Variants in SEMA3A observed in about 807,000 individuals in gnomAD.
SEMA3A encodes semaphorin 3A.
Under a neutral mutation model 97.9 loss-of-function variants are expected in SEMA3A, and 29 were observed. The ratio of observed to expected loss-of-function variants is 0.30; its 90% CI spans 0.22 to 0.40. The LOEUF (loss-of-function observed/expected upper bound fraction) is 0.40. SEMA3A is among the 10% of genes least tolerant of loss of function. The probability of loss-of-function intolerance (pLI) is 1.00; values close to 1 mark genes in which losing one functional copy is unlikely to be tolerated. For synonymous variants in SEMA3A, 321 were observed against 323.7 expected (o/e 0.99, Z 0.09); for missense variants, 763 against 951.3 (o/e 0.80, Z 2.60).
At position 84,029,546 on chromosome 7, in the gene SEMA3A, G is replaced by A. The variant is rs1791662982; in HGVS notation, c.668-15195C>T. ...TATTCCTTCTTAACTGCAGGAAGCT[G>A]CCATATTTACAGATGCTTCTTTGCA... is the stretch of plus-strand genomic sequence containing the variant. On this transcript the variant is annotated intron_variant, in intron 6 of 16. Coordinates refer to ENST00000265362, the MANE Select transcript of SEMA3A (RefSeq NM_006080.3). Among the ~76,000 whole-genome samples the A allele has an allele frequency of 3.3e-5, 5 of 152,182 alleles. 1 individual carries two copies. The South Asian group carries it at 1.0e-3, about 32-fold the overall frequency.
At chr7:84,381,702 A>G (rs1803265497) in intron 1 of SEMA3A, among the ~76,000 whole-genome samples, 1 of 152,124 alleles carries the variant, frequency 6.6e-6, no homozygotes, top group Non-Finnish European at 1.5e-5. Context: ...CCTGTCCAAT[A>G]TGGCCTAGTC....
At chr7:84,284,298 T>A (rs1372323291) in intron 3 of SEMA3A, among the ~76,000 whole-genome samples, 1 of 152,300 alleles carries the variant, frequency 6.6e-6, no homozygotes, top group South Asian at 2.1e-4. Flanking sequence ...ACTAAAGGAA[T>A]GTTCAATCTA....
chr7:84,140,600 A>G (rs1301681050), intron 1 of SEMA3A, among the ~76,000 whole-genome samples: 1 of 152,148 alleles, frequency 6.6e-6, no homozygotes, highest in Non-Finnish European at 1.5e-5. Flanking sequence ...CAAAGAACCC[A>G]TTGAAGTAGT....
chr7:84,397,101 T>C (rs1460967193), intron 1 of SEMA3A, among the ~76,000 whole-genome samples: 1 of 152,026 alleles, frequency 6.6e-6, no homozygotes, highest in Admixed American at 6.6e-5. Context: ...ATGAAAGTTG[T>C]GAAAGGCATA....
At chr7:83,982,344 C>A (rs935457986) in intron 13 of SEMA3A, among the ~76,000 whole-genome samples, 2 of 152,056 alleles carry the variant, frequency 1.3e-5, no homozygotes, top group African/African-American at 2.4e-5. Flanking sequence ...TATTGAAAGA[C>A]CCAGAATATG....
intron 2 of SEMA3A, among the ~76,000 whole-genome samples, chr7:84,329,418 C>G (rs1801857967): frequency 6.6e-6 from 1 of 151,986 alleles, no homozygotes; most frequent in African/African-American, 2.4e-5. Flanking sequence ...TGTTTTTCAG[C>G]TCATCAGCTA....
chr7:84,095,110 A>C (rs1794717327), intron 4 of SEMA3A, among the ~76,000 whole-genome samples: 1 of 148,328 alleles, frequency 6.7e-6, no homozygotes, highest in Non-Finnish European at 1.5e-5. Flanking sequence ...TATACTGTGG[A>C]TCTCTCTATA....
At chr7:84,355,967 C>G (rs998260065) in intron 2 of SEMA3A, among the ~76,000 whole-genome samples, 1 of 151,726 alleles carries the variant, frequency 6.6e-6, no homozygotes, top group Non-Finnish European at 1.5e-5. Flanking sequence ...ATATCGTATA[C>G]TGAAAGGAAA....
At chr7:84,187,800 A>C (rs1797930029) in intron 1 of SEMA3A, among the ~76,000 whole-genome samples, 1 of 152,146 alleles carries the variant, frequency 6.6e-6, no homozygotes, top group African/African-American at 2.4e-5. Context: ...CAAATAAAGC[A>C]CAAAATCATT....
rs114373114 is a variant in SEMA3A at position 84,302,486 on chromosome 7, T to C, written c.-83+4721A>G. 8.8e-3 allele frequency among the ~76,000 whole-genome samples: 1,338 copies of C among 152,280 alleles called. 17 individuals are homozygous for C. Among genetic ancestry groups the C allele is most frequent in the African/African-American group, 0.03 (1,261 of 41,568 alleles). ...TGCAGAGTGTTTTGCCTTTCATACATGTATCAACAAATATTTAGCCAGCCA... is the reference window on the plus strand; with the variant it reads ...TGCAGAGTGTTTTGCCTTTCATACACGTATCAACAAATATTTAGCCAGCCA... On this transcript the variant is annotated intron_variant, in intron 3 of 3. Transcript: ENST00000424555.
At chr7:84,182,415 T>A (rs940856810) in intron 1 of SEMA3A, among the ~76,000 whole-genome samples, 10 of 152,140 alleles carry the variant, frequency 6.6e-5, no homozygotes, top group Admixed American at 4.6e-4. Context: ...ATAAAACTAG[T>A]CATTTCCTGG....
intron 1 of SEMA3A, among the ~76,000 whole-genome samples, chr7:84,389,025 AT>A (rs1803473341): frequency 6.6e-6 from 1 of 152,070 alleles, no homozygotes. Flanking sequence ...CCATAAGCAA[AT>A]TACAAAAAGG....
At chr7:84,417,461 ATATAT>A (rs1216341831) in intron 1 of SEMA3A, among the ~76,000 whole-genome samples, 8 of 152,112 alleles carry the variant, frequency 5.3e-5, no homozygotes, top group Non-Finnish European at 7.4e-5. Context: ...ATAAATGTAA[ATATAT>A]TTCTTCACCA....
At chr7:84,316,810 G>A (rs925538407) in intron 2 of SEMA3A, among the ~76,000 whole-genome samples, 3 of 151,964 alleles carry the variant, frequency 2.0e-5, no homozygotes, top group Non-Finnish European at 4.4e-5. Flanking sequence ...GAGAGGTTGC[G>A]GGGCGCCCAC....
intron 1 of SEMA3A, among the ~76,000 whole-genome samples, chr7:84,448,588 C>A (rs1166551271): frequency 6.6e-6 from 1 of 151,640 alleles, no homozygotes; most frequent in African/African-American, 2.4e-5. Flanking sequence ...AAATTAAAAT[C>A]TTAGGAATTA....
chr7:84,341,781 C>T (rs1802177451), intron 2 of SEMA3A, among the ~76,000 whole-genome samples: 1 of 152,100 alleles, frequency 6.6e-6, no homozygotes, highest in South Asian at 2.1e-4. Context: ...AGCTAGAAAT[C>T]CGGTCGTGTT....
chr7:84,441,046 T>C (rs1446995838), intron 1 of SEMA3A, among the ~76,000 whole-genome samples: 1 of 152,012 alleles, frequency 6.6e-6, no homozygotes, highest in Non-Finnish European at 1.5e-5. Context: ...TAATCCCAGC[T>C]ACTGGAGAGG....
rs144851761 is a variant in SEMA3A at position 83,961,734 on chromosome 7, C to T, written c.1953G>A (p.Ala651=). 452 of 1,613,790 alleles carry T rather than the reference C, an allele frequency of 2.8e-4. 1 individual carries two copies. The highest frequency in any genetic ancestry group is 2.5e-3 in the Middle Eastern group (15 of 6,062). Reference sequence around the variant, plus strand: ...GAGTTTGTATGAACCCATGTTCCACCGCATGGCAGAGGTAATTGCCTGAAT... The same window carrying T: ...GAGTTTGTATGAACCCATGTTCCACTGCATGGCAGAGGTAATTGCCTGAAT... The part of the protein sequence containing the change: ...QKDSGNYLCH[A]VEHGFIQTLL... The change falls in exon 17 of 17, where the codon GCG becomes GCA. Residue 651 remains alanine, a synonymous_variant. Transcript: ENST00000265362.
chr7:84,191,669 C>T (rs937302449), intron 1 of SEMA3A, among the ~76,000 whole-genome samples: 3 of 151,726 alleles, frequency 2.0e-5, no homozygotes, highest in African/African-American at 7.2e-5. Flanking sequence ...TACCATTTAG[C>T]TATATTACAT....
Sources: gnomAD v4.1 joint callset for allele counts (sites outside exome capture counted in the v4.1 genomes callset) on GRCh38, gnomAD v4.1.1 for gene constraint, MANE v1.5 for transcripts, NCBI Gene and HGNC (gene_info 2026-07-23, HGNC 2026-07-21) for gene names.